The following RNF180 variants were observed in gnomAD, a reference collection of about 807,000 sequenced individuals.
RNF180 encodes ring finger protein 180, also known as E3 ubiquitin-protein ligase RNF180.
In RNF180, 38 loss-of-function variants were observed where a neutral mutation model predicts 59.2. The ratio of observed to expected loss-of-function variants is 0.64; its 90% CI spans 0.50 to 0.84. The LOEUF (loss-of-function observed/expected upper bound fraction) is 0.84, where lower values mean the gene tolerates loss of function less well. RNF180 is among the 40% of genes least tolerant of loss of function. The pLI is 0.00. For missense variants in RNF180, 705 were observed against 700.9 expected (o/e 1.01, Z -0.07); for synonymous variants, 262 against 240.3 (o/e 1.09, Z -0.84).
intron 5 of RNF180, among the ~76,000 whole-genome samples, chr5:64,266,930 G>A (rs1744712429): frequency 6.6e-6 from 1 of 152,122 alleles, no homozygotes; most frequent in African/African-American, 2.4e-5. Flanking sequence ...CTGAATGTAT[G>A]TGGCAGCAAA....
At chr5:64,275,556 A>C (rs935229817) in intron 5 of RNF180, among the ~76,000 whole-genome samples, 1 of 151,870 alleles carries the variant, frequency 6.6e-6, no homozygotes, top group African/African-American at 2.4e-5. Flanking sequence ...AGTTATTTAT[A>C]CATAATACAG....
At chr5:64,343,776 A>G (rs1363866593) in intron 7 of RNF180, among the ~76,000 whole-genome samples, 1 of 151,660 alleles carries the variant, frequency 6.6e-6, no homozygotes, top group Non-Finnish European at 1.5e-5. Flanking sequence ...CAGCAAAAAT[A>G]TCCTTAAAAA....
intron 6 of RNF180, among the ~76,000 whole-genome samples, chr5:64,328,206 T>G (rs1039964076): frequency 2.0e-5 from 3 of 152,108 alleles, no homozygotes; most frequent in Non-Finnish European, 2.9e-5. Context: ...ACCACTTTTT[T>G]GGGGGGGATT....
At chr5:64,228,500 C>T (rs1464311598) in intron 5 of RNF180, among the ~76,000 whole-genome samples, 1 of 152,066 alleles carries the variant, frequency 6.6e-6, no homozygotes, top group Non-Finnish European at 1.5e-5. Context: ...GATGACAGAA[C>T]AATACCCTGT....
intron 5 of RNF180, among the ~76,000 whole-genome samples, chr5:64,225,964 TGAG>T (rs1167842802): frequency 7.0e-6 from 1 of 141,982 alleles, no homozygotes; most frequent in Non-Finnish European, 1.5e-5. Flanking sequence ...GTCTGGGAAG[TGAG>T]GAGCGCCTCT....
At chr5:64,314,817 A>T (rs1228384025) in intron 5 of RNF180, among the ~76,000 whole-genome samples, 1 of 152,162 alleles carries the variant, frequency 6.6e-6, no homozygotes, top group Non-Finnish European at 1.5e-5. Context: ...TAGTTGAATT[A>T]TGTGAAGAAA....
intron 5 of RNF180, among the ~76,000 whole-genome samples, chr5:64,251,441 T>A (rs1171263710): frequency 6.6e-6 from 1 of 152,204 alleles, no homozygotes; most frequent in African/African-American, 2.4e-5. Context: ...GTTAATTAAT[T>A]AATTTTTAGA....
At chr5:64,288,081 A>G (rs768400010) in intron 5 of RNF180, among the ~76,000 whole-genome samples, 3 of 152,176 alleles carry the variant, frequency 2.0e-5, no homozygotes, top group Non-Finnish European at 2.9e-5. Flanking sequence ...TTTTTGTATA[A>G]AGTGTAAGGA....
intron 2 of RNF180, among the ~76,000 whole-genome samples, chr5:64,201,153 T>G (rs544654481): frequency 6.6e-6 from 1 of 152,340 alleles, no homozygotes; most frequent in East Asian, 1.9e-4. Context: ...TAAAATTAAT[T>G]TTGCCTTTAA....
chr5:64,234,903 C>T (rs1256134693), intron 5 of RNF180, among the ~76,000 whole-genome samples: 1 of 151,958 alleles, frequency 6.6e-6, no homozygotes, highest in Non-Finnish European at 1.5e-5. Context: ...CCAGCTACCC[C>T]TTCTTATTTT....
intron 7 of RNF180, among the ~76,000 whole-genome samples, chr5:64,362,434 C>T (rs933533684): frequency 2.0e-5 from 3 of 151,892 alleles, no homozygotes; most frequent in African/African-American, 7.2e-5. Flanking sequence ...TTTTTTATGG[C>T]TGCATAGTAA....
intron 5 of RNF180, among the ~76,000 whole-genome samples, chr5:64,220,266 TCTTTA>T (rs1580041045): frequency 1.3e-5 from 2 of 151,844 alleles, no homozygotes; most frequent in African/African-American, 4.8e-5. Context: ...ATATTTCTTC[TCTTTA>T]CTTCCTTTGC....
intron 5 of RNF180, among the ~76,000 whole-genome samples, chr5:64,224,820 G>A (rs914141410): frequency 3.9e-5 from 6 of 152,174 alleles, no homozygotes; most frequent in African/African-American, 1.2e-4. Context: ...AATTAGGCCT[G>A]AGGACTCCTT....
chr5:64,349,522 C>T (rs917317597), intron 7 of RNF180, among the ~76,000 whole-genome samples: 1 of 151,406 alleles, frequency 6.6e-6, no homozygotes, highest in African/African-American at 2.4e-5. Flanking sequence ...TGTTGGTGTG[C>T]TGCACCCATT....
chr5:64,363,948 ATC>A (rs1167691569), intron 7 of RNF180, among the ~76,000 whole-genome samples: 1 of 151,556 alleles, frequency 6.6e-6, no homozygotes, highest in Non-Finnish European at 1.5e-5. Context: ...TATCTTGAGA[ATC>A]TGCTGAATTT....
At chr5:64,337,866 T>C (rs1237386431) in intron 7 of RNF180, among the ~76,000 whole-genome samples, 1 of 152,202 alleles carries the variant, frequency 6.6e-6, no homozygotes, top group African/African-American at 2.4e-5. Context: ...TAGTATTCCA[T>C]GGTGTATATG....
At chr5:64,273,637 A>T (rs1167148578) in intron 5 of RNF180, among the ~76,000 whole-genome samples, 2 of 152,074 alleles carry the variant, frequency 1.3e-5, no homozygotes, top group African/African-American at 4.8e-5. Flanking sequence ...TGGCTCTAGT[A>T]ACAGCAGAAA....
At position 64,199,289 on chromosome 5, in the gene RNF180, A is replaced by G. The variant is rs918596860; in HGVS notation, c.1-1519A>G. Among the ~76,000 whole-genome samples, 16 of 152,236 alleles carry G rather than the reference A, an allele frequency of 1.1e-4. No homozygotes were observed. In the South Asian group the frequency reaches 1.9e-3, roughly 18 times the overall value. On this transcript the variant is annotated intron_variant, in intron 1 of 7. Transcript: ENST00000389100. ...TCTGAGCCAGAGTTCTTTAAGTCCT[A>G]CCTTTAAAGTTGATTACTGTCTGTC...
intron 1 of RNF180, among the ~76,000 whole-genome samples, chr5:64,198,875 G>A (rs1751587329): frequency 2.0e-5 from 3 of 152,112 alleles, no homozygotes; most frequent in Non-Finnish European, 4.4e-5. Context: ...GAGTGCAGTG[G>A]CACGATCTCG....
Sources: gnomAD v4.1 joint callset for allele counts (sites outside exome capture counted in the v4.1 genomes callset) on GRCh38, gnomAD v4.1.1 for gene constraint, MANE v1.5 for transcripts, NCBI Gene and HGNC (gene_info 2026-07-23, HGNC 2026-07-21) for gene names.